Variants in ARHGAP24 observed in about 807,000 individuals in gnomAD.
ARHGAP24 encodes rho GTPase-activating protein 24.
A neutral mutation model predicts 76.4 loss-of-function variants in ARHGAP24; 50 were observed. That is an observed-to-expected ratio of 0.65 (90% CI 0.52 to 0.83). ARHGAP24 has a LOEUF of 0.83. ARHGAP24 is among the 40% of genes least tolerant of loss of function. The probability of loss-of-function intolerance (pLI) is 0.00; values close to 1 mark genes in which losing one functional copy is unlikely to be tolerated. For synonymous variants in ARHGAP24, 345 were observed against 323.3 expected (o/e 1.07, Z -0.72); for missense variants, 930 against 914.2 (o/e 1.02, Z -0.22).
chr4:85,701,390 T>G (rs190399196), intron 2 of ARHGAP24, among the ~76,000 whole-genome samples: 89 of 152,250 alleles, frequency 5.8e-4, no homozygotes, highest in African/African-American at 2.1e-3. Context: ...CTGAGCGCTG[T>G]ACACTGCACC....
chr4:85,856,206 T>C (rs1731548332), intron 3 of ARHGAP24, among the ~76,000 whole-genome samples: 1 of 152,154 alleles, frequency 6.6e-6, no homozygotes, highest in African/African-American at 2.4e-5. Context: ...ATTTCTCTGA[T>C]GACTAATGAT....
chr4:85,874,983 T>A (rs1367742841), intron 3 of ARHGAP24, among the ~76,000 whole-genome samples: 20 of 116,814 alleles, frequency 1.7e-4, no homozygotes, highest in African/African-American at 4.2e-4. Context: ...TTTTATATAA[T>A]TTATATATAA....
chr4:85,916,240 C>G (rs968497680), intron 3 of ARHGAP24, among the ~76,000 whole-genome samples: 2 of 136,176 alleles, frequency 1.5e-5, no homozygotes, highest in East Asian at 4.5e-4. Flanking sequence ...TGTTCGTGTC[C>G]TTCACCACTT....
chr4:85,486,542 T>C (rs952300795), intron 1 of ARHGAP24, among the ~76,000 whole-genome samples: 2 of 152,142 alleles, frequency 1.3e-5, no homozygotes, highest in African/African-American at 4.8e-5. Flanking sequence ...GCAAACAATA[T>C]CTAAGATGAC....
At chr4:85,761,382 C>T (rs1222875268) in intron 3 of ARHGAP24, among the ~76,000 whole-genome samples, 1 of 152,182 alleles carries the variant, frequency 6.6e-6, no homozygotes. Flanking sequence ...AATCTCATCT[C>T]TCACCATTCA....
intron 1 of ARHGAP24, among the ~76,000 whole-genome samples, chr4:85,563,745 G>A (rs1726690761): frequency 6.6e-6 from 1 of 152,226 alleles, no homozygotes; most frequent in Non-Finnish European, 1.5e-5. Context: ...TCTAGATGGA[G>A]TTGGAAAATG....
At chr4:85,930,899 C>T (rs1736292050) in intron 4 of ARHGAP24, 1 of 1,612,904 alleles carries the variant, frequency 6.2e-7, no homozygotes, top group South Asian at 1.1e-5. Flanking sequence ...TAAAGGAAGC[C>T]AAAACCGGGT....
chr4:85,814,302 A>C (rs1729143393), intron 3 of ARHGAP24, among the ~76,000 whole-genome samples: 1 of 152,202 alleles, frequency 6.6e-6, no homozygotes, highest in Non-Finnish European at 1.5e-5. Context: ...CCAAAGTCTT[A>C]ACTCATTTCA....
intron 1 of ARHGAP24, among the ~76,000 whole-genome samples, chr4:85,547,096 G>A (rs894604653): frequency 6.6e-6 from 1 of 152,020 alleles, no homozygotes; most frequent in African/African-American, 2.4e-5. Context: ...CTATTCCACA[G>A]TTTATATTCA....
chr4:85,804,753 A>C (rs1728721411), intron 3 of ARHGAP24, among the ~76,000 whole-genome samples: 1 of 152,196 alleles, frequency 6.6e-6, no homozygotes, highest in Non-Finnish European at 1.5e-5. Context: ...TAAGCTTTCT[A>C]TTCTAACCCT....
chr4:85,798,865 C>G (rs939982323), intron 3 of ARHGAP24, among the ~76,000 whole-genome samples: 7 of 151,814 alleles, frequency 4.6e-5, no homozygotes, highest in African/African-American at 1.7e-4. Context: ...TAATAATTAG[C>G]TTGGATATAG....
Position 85,795,439 on chromosome 4 carries a change from A to G in ARHGAP24, c.268+73467A>G, listed in dbSNP as rs560951939. ...ATGGTTCTTTAAGTTTTAAAATATT[A>G]TTGATCTGACTTTAGTGGCAAATTC... On this transcript the variant is annotated intron_variant, in intron 3 of 9. Coordinates refer to ENST00000395184, the MANE Select transcript of ARHGAP24 (RefSeq NM_001025616.3). Among the ~76,000 whole-genome samples the G allele has an allele frequency of 2.1e-4, 32 of 152,238 alleles. No individual in the cohort carries two copies. In the South Asian group the frequency reaches 6.4e-3, roughly 31 times the overall value.
chr4:85,589,135 A>ATT (rs1376503942), intron 2 of ARHGAP24, among the ~76,000 whole-genome samples: 2 of 152,272 alleles, frequency 1.3e-5, no homozygotes, highest in Middle Eastern at 6.8e-3. Context: ...TTCTGTGGGT[A>ATT]TTTGCATGTA....
intron 2 of ARHGAP24, among the ~76,000 whole-genome samples, chr4:85,606,004 T>C (rs1316526389): frequency 6.6e-6 from 1 of 152,182 alleles, no homozygotes; most frequent in Non-Finnish European, 1.5e-5. Context: ...TCAGGAACCA[T>C]CTTCATCTCC....
chr4:85,627,969 G>A (rs192767793), intron 2 of ARHGAP24, among the ~76,000 whole-genome samples: 103 of 152,220 alleles, frequency 6.8e-4, no homozygotes, highest in Middle Eastern at 6.8e-3. Flanking sequence ...TCCAGGTGCC[G>A]TCTATCACCC....
intron 2 of ARHGAP24, among the ~76,000 whole-genome samples, chr4:85,718,578 C>T (rs1724817317): frequency 6.6e-6 from 1 of 151,998 alleles, no homozygotes; most frequent in Non-Finnish European, 1.5e-5. Context: ...AATTTCCATA[C>T]AATGTGATCA....
Position 85,995,444 on chromosome 4 carries a change from C to T in ARHGAP24, c.1790C>T (p.Pro597Leu), listed in dbSNP as rs780295523. The T allele has an allele frequency of 1.3e-5, 21 of 1,608,396 alleles. No individual in the cohort carries two copies. Among genetic ancestry groups the T allele is most frequent in the South Asian group, 7.7e-5 (7 of 90,688 alleles). ...NFEDPVLDGP[P>L]QDDLSHPRDY... Reference sequence around the variant, plus strand: ...GAGGACCCTGTTTTGGATGGGCCCCCGCAGGACGACCTTTCCCACCCCAGG... The same window carrying T: ...GAGGACCCTGTTTTGGATGGGCCCCTGCAGGACGACCTTTCCCACCCCAGG... Residue 597 changes from proline to leucine, a missense_variant, in exon 9 of 10, where the codon CCG (proline) becomes CTG (leucine). By Grantham distance (98) the Pro-to-Leu change is moderately conservative. Transcript: ENST00000395184.
At chr4:85,505,899 G>C (rs964328578) in intron 1 of ARHGAP24, among the ~76,000 whole-genome samples, 2 of 152,008 alleles carry the variant, frequency 1.3e-5, no homozygotes, top group African/African-American at 4.8e-5. Flanking sequence ...CCTACAGATG[G>C]GGTTTTGGTG....
intron 9 of ARHGAP24, 94 bp from the exon 10 acceptor site, chr4:86,000,385 A>G (rs567067387): frequency 1.1e-5 from 11 of 974,396 alleles, no homozygotes; most frequent in Non-Finnish European, 1.8e-5. Flanking sequence ...AGTTTAGAAA[A>G]TATTTGTATG....
Sources: gnomAD v4.1 joint callset for allele counts (sites outside exome capture counted in the v4.1 genomes callset) on GRCh38, gnomAD v4.1.1 for gene constraint, MANE v1.5 for transcripts, NCBI Gene and HGNC (gene_info 2026-07-23, HGNC 2026-07-21) for gene names.